Variants in GPR176 observed in about 807,000 individuals in gnomAD.
GPR176 encodes G-protein coupled receptor 176.
Under a neutral mutation model 35.4 loss-of-function variants are expected in GPR176, and 26 were observed. That is an observed-to-expected ratio of 0.74 (90% CI 0.54 to 1.02). The LOEUF is 1.02. Among genes scored for constraint, GPR176 ranks in the 50% least tolerant of loss-of-function variants. GPR176 has a pLI of 0.00. For synonymous variants in GPR176, 278 were observed against 271.3 expected (o/e 1.02, Z -0.24); for missense variants, 597 against 665.3 (o/e 0.90, Z 1.13).
intron 1 of GPR176, chr15:39,829,217 T>G: frequency 2.6e-6 from 4 of 1,511,194 alleles, no homozygotes; most frequent in Non-Finnish European, 3.5e-6. Flanking sequence ...CCCCCAACAC[T>G]GAGAACAAAG....
At chr15:39,850,464 C>A (rs1367910573) in intron 1 of GPR176, among the ~76,000 whole-genome samples, 1 of 152,174 alleles carries the variant, frequency 6.6e-6, no homozygotes, top group African/African-American at 2.4e-5. Flanking sequence ...AGAAGTTCCA[C>A]ATACATATGG....
At chr15:39,838,521 G>A (rs2140785454) in intron 1 of GPR176, among the ~76,000 whole-genome samples, 1 of 152,144 alleles carries the variant, frequency 6.6e-6, no homozygotes, top group Middle Eastern at 3.4e-3. Context: ...GCCCATAAGG[G>A]TTCAATATAT....
intron 1 of GPR176, among the ~76,000 whole-genome samples, chr15:39,890,064 A>C (rs1238090716): frequency 1.3e-5 from 2 of 151,556 alleles, no homozygotes; most frequent in Non-Finnish European, 2.9e-5. Flanking sequence ...GAAAATTTTG[A>C]TCATCATTTT....
chr15:39,903,675 G>T (rs981271913), intron 1 of GPR176, among the ~76,000 whole-genome samples: 2 of 152,022 alleles, frequency 1.3e-5, no homozygotes, highest in African/African-American at 4.8e-5. Context: ...ACTGCTTCCA[G>T]CCAAAGCAGA....
intron 1 of GPR176, among the ~76,000 whole-genome samples, chr15:39,818,249 A>G (rs1273330590): frequency 6.6e-6 from 1 of 152,250 alleles, no homozygotes; most frequent in Non-Finnish European, 1.5e-5. Context: ...TGCTATTGGC[A>G]TGAGAAAATC....
chr15:39,825,846 C>G (rs1452126895), intron 1 of GPR176, among the ~76,000 whole-genome samples: 1 of 152,104 alleles, frequency 6.6e-6, no homozygotes, highest in Non-Finnish European at 1.5e-5. Flanking sequence ...TGCCCAGTAC[C>G]CAGTGCTTCA....
At chr15:39,858,516 G>A (rs2031391309) in intron 1 of GPR176, among the ~76,000 whole-genome samples, 1 of 151,990 alleles carries the variant, frequency 6.6e-6, no homozygotes, top group Non-Finnish European at 1.5e-5. Flanking sequence ...AGGAATTTGA[G>A]ACCAGCCTGG....
intron 1 of GPR176, among the ~76,000 whole-genome samples, chr15:39,808,425 A>T (rs1211264387): frequency 6.6e-6 from 1 of 152,064 alleles, no homozygotes; most frequent in Non-Finnish European, 1.5e-5. Flanking sequence ...ACATTTTCTT[A>T]TACTGCTTGG....
At chr15:39,895,408 C>T (rs907143056) in intron 1 of GPR176, among the ~76,000 whole-genome samples, 2 of 152,206 alleles carry the variant, frequency 1.3e-5, no homozygotes, top group African/African-American at 4.8e-5. Flanking sequence ...AGATTTGACA[C>T]TATATTAAAA....
intron 1 of GPR176, among the ~76,000 whole-genome samples, chr15:39,833,683 T>A (rs1056380652): frequency 6.6e-6 from 1 of 152,172 alleles, no homozygotes; most frequent in Non-Finnish European, 1.5e-5. Context: ...AAAGCTGTTA[T>A]TCCTAAAAAA....
intron 2 of GPR176, among the ~76,000 whole-genome samples, chr15:39,802,956 G>A (rs1380177785): frequency 6.6e-6 from 1 of 152,182 alleles, no homozygotes; most frequent in Non-Finnish European, 1.5e-5. Context: ...TTAGATTTTT[G>A]TTAAAATCAG....
At chr15:39,806,576 A>C (rs1899201826) in intron 2 of GPR176, among the ~76,000 whole-genome samples, 1 of 152,212 alleles carries the variant, frequency 6.6e-6, no homozygotes, top group Non-Finnish European at 1.5e-5. Flanking sequence ...ATCCAAGTGG[A>C]CCATCTAATC....
intron 1 of GPR176, among the ~76,000 whole-genome samples, chr15:39,828,527 A>G (rs35649716): frequency 0.28 from 42,886 of 152,090 alleles, 7,047 homozygotes; most frequent in Non-Finnish European, 0.38. Flanking sequence ...GGGGCCGCCA[A>G]CAGGGATTGC....
intron 1 of GPR176, among the ~76,000 whole-genome samples, chr15:39,888,177 T>C (rs1261999390): frequency 6.6e-6 from 1 of 152,240 alleles, no homozygotes; most frequent in African/African-American, 2.4e-5. Flanking sequence ...TTGAGATCTA[T>C]TCACTTCTCT....
intron 1 of GPR176, among the ~76,000 whole-genome samples, chr15:39,832,863 T>G (rs1901182670): frequency 6.6e-6 from 1 of 152,174 alleles, no homozygotes; most frequent in South Asian, 2.1e-4. Flanking sequence ...TGGTCAAGTA[T>G]TAATCACAGT....
At chr15:39,811,709 G>A (rs566895971) in intron 1 of GPR176, among the ~76,000 whole-genome samples, 5 of 152,206 alleles carry the variant, frequency 3.3e-5, no homozygotes, top group East Asian at 3.9e-4. Flanking sequence ...GAGGTCAGGA[G>A]ATCAAGACCA....
At chr15:39,891,698 G>C (rs1232299266) in intron 1 of GPR176, among the ~76,000 whole-genome samples, 1 of 152,160 alleles carries the variant, frequency 6.6e-6, no homozygotes, top group African/African-American at 2.4e-5. Context: ...ATACAGTACT[G>C]AGTGGTGGCA....
At chr15:39,859,684 T>C (rs561306072) in intron 1 of GPR176, among the ~76,000 whole-genome samples, 2 of 152,298 alleles carry the variant, frequency 1.3e-5, no homozygotes, top group Admixed American at 1.3e-4. Context: ...CTTGAAGATA[T>C]TATACCAAGT....
At chr15:39,846,163 G>A (rs1235921185) in intron 1 of GPR176, among the ~76,000 whole-genome samples, 1 of 152,152 alleles carries the variant, frequency 6.6e-6, no homozygotes, top group African/African-American at 2.4e-5. Flanking sequence ...TTAAAACTCT[G>A]GGCATTATAT....
Sources: allele counts gnomAD v4.1 joint callset (sites outside exome capture counted in the v4.1 genomes callset), GRCh38; gene constraint gnomAD v4.1.1; transcripts MANE v1.5; gene names NCBI Gene and HGNC (gene_info 2026-07-23, HGNC 2026-07-21).